BCAT1: variants seen among roughly 807,000 people sequenced by gnomAD.
BCAT1 encodes branched-chain-amino-acid aminotransferase, cytosolic.
A neutral mutation model predicts 52.4 loss-of-function variants in BCAT1; 48 were observed. That is an observed-to-expected ratio of 0.92 (90% CI 0.73 to 1.16). The LOEUF (loss-of-function observed/expected upper bound fraction) is 1.16. BCAT1 is among the 50% of genes most tolerant of loss of function. The pLI, the probability that BCAT1 is intolerant of heterozygous loss-of-function variation, is 0.00. For synonymous variants in BCAT1, 167 were observed against 161.3 expected (o/e 1.04, Z -0.27); for missense variants, 451 against 457.1 (o/e 0.99, Z 0.12).
At chr12:24,885,488 A>T (rs966916283) in intron 3 of BCAT1, among the ~76,000 whole-genome samples, 23 of 151,904 alleles carry the variant, frequency 1.5e-4, no homozygotes, top group South Asian at 2.1e-4. Flanking sequence ...AATCCAAATT[A>T]AAAAAAATCA....
chr12:24,941,258 C>T (rs755881434), intron 1 of BCAT1, among the ~76,000 whole-genome samples: 1 of 152,284 alleles, frequency 6.6e-6, no homozygotes, highest in Non-Finnish European at 1.5e-5. Flanking sequence ...TTCCAGTAGA[C>T]ATATATAGCA....
chr12:24,945,271 T>TAATAACCAATATTTGCAAAGTC (rs1168740709), intron 1 of BCAT1, among the ~76,000 whole-genome samples: 3 of 152,224 alleles, frequency 2.0e-5, no homozygotes, highest in Non-Finnish European at 4.4e-5. Context: ...AAGTCATGTT[T>TAATAACCAATATTTGCAAAGTC]ATGAATAAAA....
At chr12:24,819,889 G>C (rs1459668765) in intron 10 of BCAT1, among the ~76,000 whole-genome samples, 1 of 152,180 alleles carries the variant, frequency 6.6e-6, no homozygotes, top group Non-Finnish European at 1.5e-5. Flanking sequence ...CATGATGAAT[G>C]CTGGATGAAA....
chr12:24,894,846 G>A (rs958523367), intron 2 of BCAT1, among the ~76,000 whole-genome samples: 1 of 152,116 alleles, frequency 6.6e-6, no homozygotes, highest in African/African-American at 2.4e-5. Flanking sequence ...ATAAAAAATG[G>A]CAACACTCAC....
At chr12:24,941,669 A>G (rs770067187) in intron 1 of BCAT1, among the ~76,000 whole-genome samples, 1 of 152,226 alleles carries the variant, frequency 6.6e-6, no homozygotes, top group Non-Finnish European at 1.5e-5. Context: ...TTTTGGGGCA[A>G]GGTTCATGCT....
chr12:24,943,493 G>GAAAA (rs4031153), intron 1 of BCAT1, among the ~76,000 whole-genome samples: 17,695 of 58,170 alleles, frequency 0.3, 3,534 homozygotes, highest in Non-Finnish European at 0.42. Context: ...ACCCTATCTG[G>GAAAA]AAAAAAAAAA....
chr12:24,825,273 T>A (rs1940343183), intron 10 of BCAT1, among the ~76,000 whole-genome samples: 1 of 152,160 alleles, frequency 6.6e-6, no homozygotes, highest in Non-Finnish European at 1.5e-5. Context: ...ATCTCTTTGA[T>A]ATACTAATTT....
chr12:24,932,963 C>G (rs992736623), intron 1 of BCAT1, among the ~76,000 whole-genome samples: 21 of 152,270 alleles, frequency 1.4e-4, no homozygotes, highest in African/African-American at 3.6e-4. Context: ...AGGTGCCCAC[C>G]ACCACACTTG....
At chr12:24,920,668 C>T (rs1321816145) in intron 1 of BCAT1, among the ~76,000 whole-genome samples, 1 of 152,148 alleles carries the variant, frequency 6.6e-6, no homozygotes, top group Non-Finnish European at 1.5e-5. Context: ...AGGTGTCCTC[C>T]AATTCAGCTC....
intron 1 of BCAT1, among the ~76,000 whole-genome samples, chr12:24,910,381 A>G (rs1157352600): frequency 2.6e-4 from 5 of 19,114 alleles, no homozygotes; most frequent in African/African-American, 4.0e-4. Flanking sequence ...TGTCTCAAAA[A>G]TAAATAAATA....
rs920849120 is a variant in BCAT1, at chr12:24,831,099, C to CCCT, written c.1045-1205_1045-1203dup. Among the ~76,000 whole-genome samples, 8 of 151,636 alleles carry CCCT rather than the reference C, an allele frequency of 5.3e-5. No homozygotes were observed. The South Asian group carries it at 8.3e-4, about 16-fold the overall frequency. On this transcript the variant is annotated intron_variant, in intron 9 of 10. Coordinates refer to ENST00000261192, the MANE Select transcript of BCAT1 (RefSeq NM_005504.7). Reference sequence around the variant, plus strand: ...CCACTCCTAAAACAGCAAGACCAATCCCTCCTCCTCCTCCTCCTCCTCAGC... The same window carrying CCCT: ...CCACTCCTAAAACAGCAAGACCAATCCCTCCTCCTCCTCCTCCTCCTCCTCAGC...
At chr12:24,851,475 A>T (rs909331515) in intron 5 of BCAT1, among the ~76,000 whole-genome samples, 3 of 152,348 alleles carry the variant, frequency 2.0e-5, no homozygotes, top group African/African-American at 7.2e-5. Context: ...ATGTGTTTAC[A>T]CAAGCACACA....
chr12:24,854,476 G>A (rs938624468), intron 5 of BCAT1, among the ~76,000 whole-genome samples: 2 of 152,112 alleles, frequency 1.3e-5, no homozygotes, highest in Non-Finnish European at 2.9e-5. Flanking sequence ...TGTTAAAGGG[G>A]AAAATAGTAA....
At chr12:24,825,970 G>T (rs960275540) in intron 10 of BCAT1, among the ~76,000 whole-genome samples, 2 of 152,118 alleles carry the variant, frequency 1.3e-5, no homozygotes, top group Non-Finnish European at 2.9e-5. Context: ...TCAGCACTTT[G>T]GGAGGCTGAG....
chr12:24,939,692 C>G (rs1260831088), intron 1 of BCAT1, among the ~76,000 whole-genome samples: 1 of 152,096 alleles, frequency 6.6e-6, no homozygotes, highest in Non-Finnish European at 1.5e-5. Flanking sequence ...CAAAAACTAG[C>G]CAAGCATGGT....
At chr12:24,920,065 A>T (rs186046962) in intron 1 of BCAT1, among the ~76,000 whole-genome samples, 14 of 152,270 alleles carry the variant, frequency 9.2e-5, no homozygotes, top group Non-Finnish European at 1.5e-5. Flanking sequence ...AAAATGGACT[A>T]ATACACTTAC....
intron 5 of BCAT1, among the ~76,000 whole-genome samples, chr12:24,873,413 T>A (rs1048660180): frequency 2.0e-5 from 3 of 152,224 alleles, no homozygotes; most frequent in Non-Finnish European, 4.4e-5. Context: ...GTAATGTGAA[T>A]GATTTTACTC....
chr12:24,824,115 C>T (rs949929084), intron 10 of BCAT1, among the ~76,000 whole-genome samples: 15 of 152,130 alleles, frequency 9.9e-5, no homozygotes, highest in Non-Finnish European at 1.9e-4. Context: ...ATCATGTCTG[C>T]CAAACACCTC....
rs375102266 is a variant in BCAT1 at position 24,842,480 on chromosome 12, G to GAAGAACACAGGTAAATAGCC, written c.675-276_675-257dup. Reference sequence around the variant, plus strand: ...AATTTTAACTTGAAATGTAATGATAGAAGAACACAGGTAAATAGCCAAGTT... The same window carrying GAAGAACACAGGTAAATAGCC: ...AATTTTAACTTGAAATGTAATGATAGAAGAACACAGGTAAATAGCCAAGAACACAGGTAAATAGCCAAGTT... On this transcript the variant is annotated intron_variant, in intron 6 of 10. Coordinates refer to ENST00000261192, the MANE Select transcript of BCAT1 (RefSeq NM_005504.7). Among the ~76,000 whole-genome samples the GAAGAACACAGGTAAATAGCC allele has an allele frequency of 9.1e-3, 1,383 of 152,198 alleles. 19 individuals are homozygous for GAAGAACACAGGTAAATAGCC. Among genetic ancestry groups the GAAGAACACAGGTAAATAGCC allele is most frequent in the African/African-American group, 0.032 (1,311 of 41,502 alleles).
Sources: allele counts gnomAD v4.1 joint callset (sites outside exome capture counted in the v4.1 genomes callset), GRCh38; gene constraint gnomAD v4.1.1; transcripts MANE v1.5; gene names NCBI Gene and HGNC (gene_info 2026-07-23, HGNC 2026-07-21).